The following HS6ST3 variants were observed in gnomAD, a reference collection of about 807,000 sequenced individuals.
The protein encoded by HS6ST3 is heparan-sulfate 6-O-sulfotransferase 3.
A neutral mutation model predicts 36.7 loss-of-function variants in HS6ST3; 12 were observed. The ratio of observed to expected loss-of-function variants is 0.33; its 90% CI spans 0.21 to 0.53. HS6ST3 has a LOEUF of 0.53. HS6ST3 is among the 20% of genes least tolerant of loss of function. The probability of loss-of-function intolerance (pLI) is 0.95; values close to 1 mark genes in which losing one functional copy is unlikely to be tolerated. For synonymous variants in HS6ST3, 240 were observed against 257.5 expected (o/e 0.93, Z 0.65); for missense variants, 584 against 640.9 (o/e 0.91, Z 0.96).
intron 1 of HS6ST3, among the ~76,000 whole-genome samples, chr13:96,287,330 A>T (rs1243257671): frequency 6.6e-6 from 1 of 152,166 alleles, no homozygotes; most frequent in African/African-American, 2.4e-5. Context: ...ATATAGAAAA[A>T]TCTTATATAA....
rs530738988 is a variant in HS6ST3 at position 96,471,676 on chromosome 13, C to T, written c.708-360814C>T. ...TACTCCTCTGCACTTTCCTTATTGA[C>T]ACAATGGGATATATTATTCTTATCA... On this transcript the variant is annotated intron_variant, in intron 1 of 1. Coordinates refer to ENST00000376705, the MANE Select transcript of HS6ST3 (RefSeq NM_153456.4). Among the ~76,000 whole-genome samples, 11 of 152,236 alleles carry T rather than the reference C, an allele frequency of 7.2e-5. No individual in the cohort carries two copies. The South Asian group carries it at 1.7e-3, about 23-fold the overall frequency.
chr13:96,765,480 G>A (rs578058624), intron 1 of HS6ST3, among the ~76,000 whole-genome samples: 90 of 152,072 alleles, frequency 5.9e-4, no homozygotes, highest in Non-Finnish European at 1.2e-3. Context: ...GATTTCTCTG[G>A]AACTACCATT....
chr13:96,438,982 G>A (rs561999270), intron 1 of HS6ST3, among the ~76,000 whole-genome samples: 5 of 152,074 alleles, frequency 3.3e-5, no homozygotes, highest in South Asian at 4.2e-4. Flanking sequence ...CAGGAGACTC[G>A]CTTGAACTCA....
At chr13:96,444,064 C>T (rs1238270718) in intron 1 of HS6ST3, among the ~76,000 whole-genome samples, 1 of 151,998 alleles carries the variant, frequency 6.6e-6, no homozygotes, top group African/African-American at 2.4e-5. Flanking sequence ...CCATAACAGC[C>T]AAGAAAAGCT....
At chr13:96,610,883 C>G (rs1013431448) in intron 1 of HS6ST3, among the ~76,000 whole-genome samples, 1 of 151,200 alleles carries the variant, frequency 6.6e-6, no homozygotes, top group Admixed American at 6.6e-5. Flanking sequence ...AAAACAACCC[C>G]ACAACTTCAG....
At chr13:96,661,545 A>T (rs1407781421) in intron 1 of HS6ST3, among the ~76,000 whole-genome samples, 2 of 151,910 alleles carry the variant, frequency 1.3e-5, no homozygotes. Flanking sequence ...CAGTTTTTTA[A>T]TTTATTCTGC....
intron 1 of HS6ST3, among the ~76,000 whole-genome samples, chr13:96,768,158 G>A (rs537638455): frequency 1.3e-5 from 2 of 152,192 alleles, no homozygotes; most frequent in African/African-American, 2.4e-5. Flanking sequence ...TTATTTTTCC[G>A]ATCACTAGCT....
chr13:96,838,267 C>A lies in HS6ST3; in HGVS notation c.*5069C>A, dbSNP rs1878987363. Reference sequence around the variant, plus strand: ...CTCTAGAACTAGGGCAGCCTGGAAACATATGGACTATAATTATTTTAGCTA... The same window carrying A: ...CTCTAGAACTAGGGCAGCCTGGAAAAATATGGACTATAATTATTTTAGCTA... On this transcript the variant is annotated 3_prime_UTR_variant, in exon 2 of 2. Coordinates refer to ENST00000376705, the MANE Select transcript of HS6ST3 (RefSeq NM_153456.4). 1 of 152,004 alleles carries A rather than the reference C, an allele frequency of 6.6e-6. No homozygotes were observed. Among genetic ancestry groups the A allele is most frequent in the Non-Finnish European group, 1.5e-5 (1 of 67,998 alleles). 9.4% of individuals were successfully genotyped at this position (152,004 alleles called of 1,614,324 possible).
intron 1 of HS6ST3, among the ~76,000 whole-genome samples, chr13:96,760,976 G>A (rs183276617): frequency 1.3e-5 from 2 of 152,192 alleles, no homozygotes; most frequent in Admixed American, 1.3e-4. Context: ...TGGAAACCAT[G>A]ACTATGTTAT....
chr13:96,096,694 A>G (rs1820210341), intron 1 of HS6ST3, among the ~76,000 whole-genome samples: 1 of 152,204 alleles, frequency 6.6e-6, no homozygotes, highest in African/African-American at 2.4e-5. Flanking sequence ...ATAAAAAGAT[A>G]AGATGAGAAA....
At chr13:96,466,984 A>G (rs1411931122) in intron 1 of HS6ST3, among the ~76,000 whole-genome samples, 1 of 152,216 alleles carries the variant, frequency 6.6e-6, no homozygotes, top group Non-Finnish European at 1.5e-5. Context: ...AATTATATAC[A>G]GTGTTACTGA....
intron 1 of HS6ST3, among the ~76,000 whole-genome samples, chr13:96,329,024 G>C (rs2055049237): frequency 6.6e-6 from 1 of 150,734 alleles, no homozygotes; most frequent in Non-Finnish European, 1.5e-5. Context: ...GATCGGTGGT[G>C]ATATCCCCTT....
chr13:96,244,933 T>A (rs2054577699), intron 1 of HS6ST3, among the ~76,000 whole-genome samples: 2 of 152,242 alleles, frequency 1.3e-5, no homozygotes, highest in Admixed American at 6.5e-5. Context: ...TTGTTGCTGC[T>A]AATACCTATT....
intron 1 of HS6ST3, among the ~76,000 whole-genome samples, chr13:96,434,081 C>CA (rs2055629784): frequency 6.6e-6 from 1 of 152,182 alleles, no homozygotes; most frequent in South Asian, 2.1e-4. Flanking sequence ...GTCTGCAAGT[C>CA]ATGTGGAGGG....
rs988312066 is a variant in HS6ST3 at position 96,114,425 on chromosome 13, C to T, written c.707+22856C>T. Among the ~76,000 whole-genome samples, 4 of 152,168 alleles carry T rather than the reference C, an allele frequency of 2.6e-5. No homozygotes were observed. In the South Asian group the frequency reaches 8.3e-4, roughly 32 times the overall value. On this transcript the variant is annotated intron_variant, in intron 1 of 1. Coordinates refer to ENST00000376705, the MANE Select transcript of HS6ST3 (RefSeq NM_153456.4). ...TTGGCCTCCTAAAGTACTGTGATTA[C>T]AGGGATGACCCACCGTTCCTGGCCC...
At chr13:96,361,284 G>T (rs2055237312) in intron 1 of HS6ST3, among the ~76,000 whole-genome samples, 1 of 152,126 alleles carries the variant, frequency 6.6e-6, no homozygotes, top group Non-Finnish European at 1.5e-5. Flanking sequence ...TCCAGTCTCT[G>T]ACTCCTTACT....
At chr13:96,702,245 T>C (rs569272822) in intron 1 of HS6ST3, among the ~76,000 whole-genome samples, 27 of 152,308 alleles carry the variant, frequency 1.8e-4, no homozygotes, top group Non-Finnish European at 2.9e-5. Context: ...ACTCCCCTTA[T>C]ATCAAAAGCT....
intron 1 of HS6ST3, among the ~76,000 whole-genome samples, chr13:96,134,147 G>T (rs1387835379): frequency 1.3e-5 from 2 of 151,802 alleles, no homozygotes; most frequent in Admixed American, 1.3e-4. Context: ...CTGTGTGTCT[G>T]TTTTTTTGCC....
chr13:96,363,021 G>A (rs1400286448), intron 1 of HS6ST3, among the ~76,000 whole-genome samples: 2 of 152,036 alleles, frequency 1.3e-5, no homozygotes, highest in Non-Finnish European at 2.9e-5. Context: ...GATGGGAGAG[G>A]GAGGTCATGA....
Sources: allele counts gnomAD v4.1 joint callset (sites outside exome capture counted in the v4.1 genomes callset), GRCh38; gene constraint gnomAD v4.1.1; transcripts MANE v1.5; gene names NCBI Gene and HGNC (gene_info 2026-07-23, HGNC 2026-07-21).